Variants in AP3B2 observed in about 807,000 individuals in gnomAD.
AP3B2 encodes AP-3 complex subunit beta-2.
AP3B2 carries 50 observed loss-of-function variants against 126.9 expected under a neutral mutation model. That is an observed-to-expected ratio of 0.39 (90% CI 0.31 to 0.50). The LOEUF (loss-of-function observed/expected upper bound fraction) is 0.50, where lower values mean the gene tolerates loss of function less well. Among genes scored for constraint, AP3B2 ranks in the 20% least tolerant of loss-of-function variants. The pLI is 0.79. For synonymous variants in AP3B2, 541 were observed against 565.0 expected, an observed-to-expected ratio of 0.96 and a Z score of 0.60; for missense variants, 1,177 against 1,426.4, an observed-to-expected ratio of 0.83 and a Z score of 2.82.
chr15:82,694,857 T>A (rs2048607785), intron 1 of AP3B2, among the ~76,000 whole-genome samples: 1 of 152,174 alleles, frequency 6.6e-6, no homozygotes, highest in Non-Finnish European at 1.5e-5. Context: ...TAAAGAAATA[T>A]ATATTTGGTC....
chr15:82,683,089 C>T (rs896569520), intron 4 of AP3B2, among the ~76,000 whole-genome samples: 7 of 112,322 alleles, frequency 6.2e-5, no homozygotes, highest in Non-Finnish European at 1.0e-4. Flanking sequence ...AACGGAGTCT[C>T]GCTCTGTCGC....
Position 82,709,861 on chromosome 15 carries a change from G to A in AP3B2, c.-155C>T. ...GCTGCAGTGTGCAGCGGCGGAGGCT[G>A]CGCGCGGATTTCTCAATCAGGGCCG... On this transcript the variant is annotated 5_prime_UTR_variant, in exon 1 of 27. Coordinates refer to ENST00000535359, the MANE Select transcript of AP3B2 (RefSeq NM_001278512.2). 1.9e-6 allele frequency: 1 copy of A among 519,672 alleles called. No individual in the cohort carries two copies. Among genetic ancestry groups the A allele is most frequent in the South Asian group, 3.8e-5 (1 of 26,664 alleles). 32.2% of individuals were successfully genotyped at this position (519,672 alleles called of 1,614,324 possible).
chr15:82,673,854 G>A (rs1418907489), intron 14 of AP3B2, among the ~76,000 whole-genome samples: 2 of 152,106 alleles, frequency 1.3e-5, no homozygotes, highest in African/African-American at 2.4e-5. Context: ...CTGTAAAGGC[G>A]GTCACATGGG....
chr15:82,670,123 G>GGA (rs1311611420), intron 14 of AP3B2, among the ~76,000 whole-genome samples: 12 of 130,238 alleles, frequency 9.2e-5, no homozygotes, highest in Non-Finnish European at 1.5e-4. Flanking sequence ...GGCGGGGGGG[G>GGA]ACGAAGATGA....
intron 22 of AP3B2, 30 bp downstream of exon 22, chr15:82,663,097 C>T (rs1230777260): frequency 1.9e-6 from 3 of 1,574,816 alleles, no homozygotes; most frequent in Non-Finnish European, 2.6e-6. Flanking sequence ...GTCCCTGCCC[C>T]AGCCCGGTCC....
At chr15:82,701,049 C>T (rs543573314) in intron 1 of AP3B2, among the ~76,000 whole-genome samples, 15 of 152,108 alleles carry the variant, frequency 9.9e-5, no homozygotes, top group African/African-American at 3.4e-4. Flanking sequence ...TTAGTAGAGA[C>T]GGGGTTTTGA....
chr15:82,706,045 C>G (rs916513778), intron 1 of AP3B2, among the ~76,000 whole-genome samples: 1 of 152,188 alleles, frequency 6.6e-6, no homozygotes, highest in African/African-American at 2.4e-5. Flanking sequence ...GCTGGGACCA[C>G]GCCCTGTAGC....
chr15:82,681,899 C>A lies in AP3B2; in HGVS notation c.361-319G>T, dbSNP rs954229279. Among the ~76,000 whole-genome samples, 64 of 152,206 alleles carry A rather than the reference C, an allele frequency of 4.2e-4. No homozygotes were observed. Among genetic ancestry groups the A allele is most frequent in the African/African-American group, 1.5e-3 (62 of 41,536 alleles). On this transcript the variant is annotated intron_variant, in intron 4 of 26. Transcript: ENST00000535359. The surrounding 1 kb of genome is among the most constrained non-coding windows in gnomAD (Gnocchi z 4.0). ...CCTTGTAAGGGTTTTTTTGGAGGTG[C>A]CTGTTTTAATGCCTGAGGTGACCGC... is the stretch of plus-strand genomic sequence containing the variant.
At position 82,680,448 on chromosome 15, in the gene AP3B2, G is replaced by T; in HGVS notation, c.1055+24C>A. 6.8e-7 allele frequency: 1 copy of T among 1,460,992 alleles called. No homozygotes were observed. Among genetic ancestry groups the T allele is most frequent in the South Asian group, 1.4e-5 (1 of 72,848 alleles). 90.5% of individuals were successfully genotyped at this position (1,460,992 alleles called of 1,614,324 possible). The stretch of plus-strand genomic sequence containing the variant: ...GGGCGGGGCAGGAGGCGAGGGAGGG[G>T]GCGGGGCTGGGGGCGGAGCGCACCT... On this transcript the variant is annotated intron_variant, in intron 8 of 26. Coordinates refer to ENST00000535359, the MANE Select transcript of AP3B2 (RefSeq NM_001278512.2). The surrounding 1 kb of genome is among the most constrained non-coding windows in gnomAD (Gnocchi z 6.1).
chr15:82,693,299 T>A (rs965901365), intron 1 of AP3B2, among the ~76,000 whole-genome samples: 1 of 150,270 alleles, frequency 6.7e-6, no homozygotes, highest in Non-Finnish European at 1.5e-5. Context: ...CAGGCTGGAG[T>A]GCAATGGCAC....
chr15:82,667,658 T>C (rs1256273411), intron 14 of AP3B2, among the ~76,000 whole-genome samples: 5 of 152,208 alleles, frequency 3.3e-5, no homozygotes, highest in Admixed American at 3.3e-4. Flanking sequence ...CCATCACTTA[T>C]CAAGTGCCTT....
intron 1 of AP3B2, among the ~76,000 whole-genome samples, chr15:82,704,864 C>A (rs1286977934): frequency 1.3e-5 from 2 of 152,238 alleles, no homozygotes; most frequent in South Asian, 2.1e-4. Flanking sequence ...TTTTCAAAGG[C>A]CTGTTTCCTT....
intron 3 of AP3B2, 39 bp downstream of exon 3, chr15:82,689,119 G>C: frequency 6.2e-7 from 1 of 1,602,768 alleles, no homozygotes; most frequent in Non-Finnish European, 8.5e-7. Context: ...GGTCCTGGGG[G>C]AGGTGGGGAC....
chr15:82,671,698 G>T (rs867008948), intron 14 of AP3B2, among the ~76,000 whole-genome samples: 1 of 149,926 alleles, frequency 6.7e-6, no homozygotes, highest in Admixed American at 6.7e-5. Flanking sequence ...GCAAGATCAC[G>T]CCATTGCACT....
In AP3B2 at chr15:82,680,761, C is replaced by G; in HGVS notation, c.772-6G>C. On this transcript the variant is annotated splice_region_variant and splice_polypyrimidine_tract_variant and intron_variant, in intron 7 of 26. Coordinates refer to ENST00000535359, the MANE Select transcript of AP3B2 (RefSeq NM_001278512.2). The surrounding 1 kb of genome is among the most constrained non-coding windows in gnomAD (Gnocchi z 6.1). The stretch of plus-strand genomic sequence containing the variant: ...TTCTCCTCTAGTAGGGATTCCTGGA[C>G]GGGGAGACCGACGGGTCTGTGGGCG... The G allele has an allele frequency of 6.3e-7, 1 of 1,592,146 alleles. No individual in the cohort carries two copies. Among genetic ancestry groups the G allele is most frequent in the South Asian group, 1.1e-5 (1 of 87,998 alleles).
rs2048023039 is a variant in AP3B2 at position 82,664,812 on chromosome 15, C to T, written c.2137+23G>A. 1.3e-6 allele frequency: 2 copies of T among 1,521,984 alleles called. No homozygotes were observed. Among genetic ancestry groups the T allele is most frequent in the Non-Finnish European group, 1.8e-6 (2 of 1,112,356 alleles). The allele number at this position is 1,521,984 out of a possible 1,614,324, so 94.3% of individuals were successfully genotyped here. A position where few individuals can be genotyped will look rare whatever the true frequency, so the allele number is the denominator to read the frequency against. On this transcript the variant is annotated intron_variant, in intron 18 of 26. Transcript: ENST00000535359. The surrounding 1 kb of genome is among the most constrained non-coding windows in gnomAD (Gnocchi z 4.5). ...AGATGCATGGGCAGAGCACAGAGGACCCCAGCTCTGCCATCTGCTCACCAC... is the reference window on the plus strand; with the variant it reads ...AGATGCATGGGCAGAGCACAGAGGATCCCAGCTCTGCCATCTGCTCACCAC...
At chr15:82,709,472 C>A (rs1368843574) in intron 1 of AP3B2, 122 bp downstream of exon 1, 2 of 553,034 alleles carry the variant, frequency 3.6e-6, no homozygotes, top group Non-Finnish European at 2.3e-6. Flanking sequence ...GCCGGGCGGG[C>A]TTCCGGTCGG....
chr15:82,664,082 C>T lies in AP3B2; in HGVS notation c.2262-107G>A, dbSNP rs564615007. The T allele has an allele frequency of 1.5e-5, 22 of 1,464,722 alleles. No individual in the cohort carries two copies. The African/African-American group carries it at 2.8e-4, about 19-fold the overall frequency. The allele number at this position is 1,464,722 out of a possible 1,614,324, so 90.7% of individuals were successfully genotyped here. A position where few individuals can be genotyped will look rare whatever the true frequency, so the allele number is the denominator to read the frequency against. On this transcript the variant is annotated intron_variant, in intron 19 of 26. Transcript: ENST00000535359. The surrounding 1 kb of genome is among the most constrained non-coding windows in gnomAD (Gnocchi z 4.5). ...GCTGGAGTGGTGTGGGGAGCCTGAG[C>T]CAGGAGGGTTCACACCTGAGGTCCT...
At chr15:82,659,784 G>C (rs2047904750) in intron 26 of AP3B2, 61 bp downstream of exon 26, 1 of 1,609,190 alleles carries the variant, frequency 6.2e-7, no homozygotes, top group Admixed American at 1.7e-5. Flanking sequence ...AGCAGCTGGG[G>C]CTCCTCCTTC....
Sources: gnomAD v4.1 joint callset for allele counts (sites outside exome capture counted in the v4.1 genomes callset) on GRCh38, gnomAD v4.1.1 for gene constraint, Gnocchi (gnomAD v3.1) non-coding constraint, MANE v1.5 for transcripts, NCBI Gene and HGNC (gene_info 2026-07-23, HGNC 2026-07-21) for gene names.